The following WASF3 variants were observed in gnomAD, a reference collection of about 807,000 sequenced individuals.
The protein encoded by WASF3 is WASP family member 3.
In WASF3, 11 loss-of-function variants were observed where a neutral mutation model predicts 46.6. That is an observed-to-expected ratio of 0.24 (90% CI 0.15 to 0.39). The LOEUF (loss-of-function observed/expected upper bound fraction) is 0.39, where lower values mean the gene tolerates loss of function less well. Among genes scored for constraint, WASF3 ranks in the 10% least tolerant of loss-of-function variants. WASF3 has a pLI of 1.00. For missense variants in WASF3, 576 were observed against 669.8 expected (o/e 0.86, Z 1.55); for synonymous variants, 242 against 259.7 (o/e 0.93, Z 0.65).
rs116308657 is a variant in WASF3 at position 26,577,269 on chromosome 13, A to G, written c.-109+19450A>G. ...TAAAGCTCATGTTGATGTCAGGACT[A>G]CCGATGGTTACTTGCTTTGTCTGTT... On this transcript the variant is annotated intron_variant, in intron 1 of 9. Coordinates refer to ENST00000335327, the MANE Select transcript of WASF3 (RefSeq NM_006646.6). 1,319 of 739,556 alleles carry G rather than the reference A, an allele frequency of 1.8e-3. 13 individuals carry two copies. The African/African-American group carries it at 0.02, about 11-fold the overall frequency. The allele number at this position is 739,556 out of a possible 1,614,324, so 45.8% of individuals were successfully genotyped here.
At chr13:26,553,517 A>C (rs1039127243), upstream of WASF3, among the ~76,000 whole-genome samples, 3 of 152,012 alleles carry the variant, frequency 2.0e-5, no homozygotes, top group Non-Finnish European at 4.4e-5. Flanking sequence ...CAAGTGGTTC[A>C]GCTAAAAAAT....
chr13:26,573,923 T>C (rs1879712676), intron 1 of WASF3, among the ~76,000 whole-genome samples: 1 of 152,208 alleles, frequency 6.6e-6, no homozygotes, highest in South Asian at 2.1e-4. Context: ...ATTATGTAGT[T>C]TTGTTTTTAA....
At chr13:26,558,583 G>A (rs1879181473) in intron 1 of WASF3, among the ~76,000 whole-genome samples, 1 of 152,184 alleles carries the variant, frequency 6.6e-6, no homozygotes, top group Admixed American at 6.5e-5. Flanking sequence ...GACGTGCAAT[G>A]GCGATTGCTT....
intron 1 of WASF3, among the ~76,000 whole-genome samples, chr13:26,579,745 G>A (rs1445524252): frequency 3.9e-5 from 6 of 151,966 alleles, no homozygotes; most frequent in South Asian, 2.1e-4. Context: ...AGGAAATGGC[G>A]CTCCTGGTGT....
At chr13:26,573,020 T>C (rs1879686379) in intron 1 of WASF3, among the ~76,000 whole-genome samples, 1 of 152,226 alleles carries the variant, frequency 6.6e-6, no homozygotes, top group South Asian at 2.1e-4. Flanking sequence ...TTGGCAATAT[T>C]TTTTCATGTT....
intron 1 of WASF3, among the ~76,000 whole-genome samples, chr13:26,607,883 A>AGTAG (rs1880848827): frequency 6.6e-6 from 1 of 152,080 alleles, no homozygotes; most frequent in Non-Finnish European, 1.5e-5. Flanking sequence ...AGATAATCCT[A>AGTAG]CCTAGGCCTC....
intron 2 of WASF3, among the ~76,000 whole-genome samples, chr13:26,628,906 T>G (rs1295450873): frequency 2.0e-5 from 3 of 152,198 alleles, no homozygotes; most frequent in Non-Finnish European, 4.4e-5. Context: ...CACTGCCATC[T>G]AGAGGCCTCT....
intron 2 of WASF3, among the ~76,000 whole-genome samples, chr13:26,620,267 A>C (rs922424337): frequency 1.3e-5 from 2 of 152,096 alleles, no homozygotes; most frequent in African/African-American, 4.8e-5. Context: ...CATCAGAATA[A>C]ATTTTTATGC....
intron 3 of WASF3, among the ~76,000 whole-genome samples, chr13:26,654,890 A>G (rs1432140161): frequency 2.6e-5 from 4 of 152,202 alleles, no homozygotes; most frequent in Non-Finnish European, 4.4e-5. Context: ...TTTAAAAAAG[A>G]GGAAAAAACT....
At chr13:26,666,692 G>T (rs1882781778) in intron 4 of WASF3, among the ~76,000 whole-genome samples, 1 of 152,066 alleles carries the variant, frequency 6.6e-6, no homozygotes, top group South Asian at 2.1e-4. Context: ...GAGGTCAGGA[G>T]ATCAAGACCA....
chr13:26,665,183 A>G, intron 4 of WASF3, 21 bp downstream of exon 4: 1 of 1,612,320 alleles, frequency 6.2e-7, no homozygotes, highest in African/African-American at 1.3e-5. Flanking sequence ...GCCTGAAAGC[A>G]GTGAGCTAGA....
chr13:26,592,292 TG>T (rs1880326725), intron 1 of WASF3, among the ~76,000 whole-genome samples: 1 of 152,096 alleles, frequency 6.6e-6, no homozygotes, highest in South Asian at 2.1e-4. Context: ...GAAATATTTT[TG>T]TTTTTTTGCG....
At chr13:26,677,522 T>C (rs957093552) in intron 7 of WASF3, among the ~76,000 whole-genome samples, 2 of 152,242 alleles carry the variant, frequency 1.3e-5, no homozygotes, top group Admixed American at 1.3e-4. Flanking sequence ...GGACTTTGGG[T>C]TGTATCTGTG....
At chr13:26,677,037 T>C (rs1156380087) in intron 7 of WASF3, among the ~76,000 whole-genome samples, 7 of 152,256 alleles carry the variant, frequency 4.6e-5, no homozygotes, top group African/African-American at 7.2e-5. Context: ...GTTTTTACTT[T>C]AATAATCATT....
chr13:26,637,403 C>G (rs1387196316), intron 2 of WASF3, among the ~76,000 whole-genome samples: 4 of 152,198 alleles, frequency 2.6e-5, no homozygotes, highest in Admixed American at 2.6e-4. Context: ...GCATACTTCA[C>G]TTGCCTTGGC....
At chr13:26,546,337 T>C in the WASF3 span, among the ~76,000 whole-genome samples, 1 of 152,094 alleles carries the variant, frequency 6.6e-6, no homozygotes, top group South Asian at 2.1e-4. Flanking sequence ...TTTCTGCTCT[T>C]CTGTCTTTTC....
At chr13:26,572,164 T>C (rs146867432) in intron 1 of WASF3, among the ~76,000 whole-genome samples, 36 of 152,330 alleles carry the variant, frequency 2.4e-4, no homozygotes, top group African/African-American at 7.0e-4. Flanking sequence ...TTTCCATTGT[T>C]TGTGCCTTTA....
At chr13:26,547,865 C>T in the WASF3 span, among the ~76,000 whole-genome samples, 1 of 152,104 alleles carries the variant, frequency 6.6e-6, no homozygotes, top group Admixed American at 6.5e-5. Flanking sequence ...CAAACAGAAA[C>T]CAGTGAGAAC....
intron 3 of WASF3, among the ~76,000 whole-genome samples, chr13:26,659,999 A>C (rs1321003479): frequency 6.6e-6 from 1 of 152,148 alleles, no homozygotes; most frequent in Non-Finnish European, 1.5e-5. Context: ...TTTAGGAATC[A>C]TCAGCATAGA....
Sources: allele counts gnomAD v4.1 joint callset (sites outside exome capture counted in the v4.1 genomes callset), GRCh38; gene constraint gnomAD v4.1.1; transcripts MANE v1.5; gene names NCBI Gene and HGNC (gene_info 2026-07-23, HGNC 2026-07-21).